Variants in MEA1 observed in about 807,000 individuals in gnomAD.
MEA1 encodes male-enhanced antigen 1.
MEA1 carries 22 observed loss-of-function variants against 21.4 expected under a neutral mutation model. The observed-to-expected ratio is 1.03, with a 90% CI of 0.73 to 1.47. MEA1 has a LOEUF of 1.47. Among genes scored for constraint, MEA1 ranks in the 40% most tolerant of loss-of-function variants. The pLI is 0.00. For synonymous variants in MEA1, 91 were observed against 85.5 expected, an observed-to-expected ratio of 1.06 and a Z score of -0.35; for missense variants, 233 against 230.5, an observed-to-expected ratio of 1.01 and a Z score of -0.07.
chr6:43,013,533 T>C (rs1378106026), intron 1 of MEA1, 144 bp from the exon 2 acceptor site: 1 of 952,932 alleles, frequency 1.0e-6, no homozygotes. Context: ...CCGCCCCAAT[T>C]CCAGCCTCTC....
chr6:43,016,555 C>A (rs921016874), upstream of MEA1: 4 of 152,366 alleles, frequency 2.6e-5, no homozygotes, highest in African/African-American at 9.6e-5. Flanking sequence ...TAACCAACCG[C>A]GGTAACATGG....
upstream of MEA1, among the ~76,000 whole-genome samples, chr6:43,015,245 A>C (rs761707558): frequency 6.6e-6 from 1 of 151,090 alleles, no homozygotes; most frequent in African/African-American, 2.4e-5. Flanking sequence ...GGGCTATTTC[A>C]GGATGGGTCC....
Position 43,012,445 on chromosome 6 carries a change from G to A in MEA1, c.*25C>T. The stretch of plus-strand genomic sequence containing the variant: ...GTGCTGGTTCTGGCCTGGAATGTAG[G>A]AATATAAGGCAGCTCTCACTGTGGT... On this transcript the variant is annotated 3_prime_UTR_variant, in exon 4 of 4. Transcript: ENST00000244711. 1 of 1,566,006 alleles carries A rather than the reference G, an allele frequency of 6.4e-7. No homozygotes were observed. Among genetic ancestry groups the A allele is most frequent in the Non-Finnish European group, 8.6e-7 (1 of 1,157,576 alleles).
rs1450537096 is a variant in MEA1, at chr6:43,012,737, T to C, written c.407-116A>G. 6 of 1,339,868 alleles carry C rather than the reference T, an allele frequency of 4.5e-6. No individual in the cohort carries two copies. In the Admixed American group the frequency reaches 1.5e-4, roughly 33 times the overall value. The allele number at this position is 1,339,868 out of a possible 1,614,324, so 83.0% of individuals were successfully genotyped here. ...GCTAGGGTCACCAAATCCACCTTGT[T>C]ACTTTAAGGCAAGCCTGCCCATCCC... On this transcript the variant is annotated intron_variant, in intron 3 of 3. Transcript: ENST00000244711.
Position 43,013,115 on chromosome 6 carries a change from C to G in MEA1, c.303G>C (p.Gln101His). Residue 101 changes from glutamine (Q) to histidine (H), a missense_variant and splice_region_variant, in exon 2 of 4, where the codon CAG (glutamine) becomes CAC (histidine). Physicochemically the swap from Gln to His is conservative, Grantham distance 24. Coordinates refer to ENST00000244711, the MANE Select transcript of MEA1 (RefSeq NM_014623.4). ...AGGAACCATCCCTCCTCCACCCTAC[C>G]TGGATTCGATCCTGGATGTCAGCAA... is the stretch of plus-strand genomic sequence containing the variant. ...DVVADIQDRIQALGLHLPDPP... is the reference protein window; with the variant it reads ...DVVADIQDRIHALGLHLPDPP... The G allele has an allele frequency of 6.2e-7, 1 of 1,614,096 alleles. No homozygotes were observed. The highest frequency in any genetic ancestry group is 8.5e-7 in the Non-Finnish European group (1 of 1,180,042).
upstream of MEA1, among the ~76,000 whole-genome samples, chr6:43,015,228 C>T (rs1000201066): frequency 6.6e-6 from 1 of 152,170 alleles, no homozygotes; most frequent in African/African-American, 2.4e-5. Context: ...AGAGTAGCTT[C>T]CTGCTGGGGC....
At chr6:43,015,775 G>A (rs1224438767), upstream of MEA1, among the ~76,000 whole-genome samples, 2 of 151,068 alleles carry the variant, frequency 1.3e-5, no homozygotes, top group Admixed American at 6.6e-5. Flanking sequence ...GCTTGAACCC[G>A]GGAGGGAGGC....
upstream of MEA1, chr6:43,014,039 C>G: frequency 2.8e-6 from 4 of 1,421,122 alleles, no homozygotes; most frequent in South Asian, 1.6e-5. Context: ...ATTCCCAGCC[C>G]AAAAAACAAA....
intron 3 of MEA1, 76 bp from the exon 4 acceptor site, chr6:43,012,697 C>G: frequency 6.7e-7 from 1 of 1,498,530 alleles, no homozygotes; most frequent in South Asian, 1.3e-5. Flanking sequence ...CGAATCAACC[C>G]AGAGCCCTTG....
chr6:43,013,000 G>T lies in MEA1; in HGVS notation c.332C>A (p.Pro111Gln). ...QALGLHLPDP[P>Q]LESEDEDEEG... is the part of the protein sequence containing the mutation. ...CTCATCTTCATCTTCACTCTCTAAT[G>T]GTGGGTCTGGCAAATGAAGCCCCAG... Residue 111 changes from proline (P) to glutamine (Q), a missense_variant, in exon 3 of 4, where the codon CCA (proline) becomes CAA (glutamine). By Grantham distance (76) the Pro-to-Gln change is moderately conservative. Transcript: ENST00000244711. 1.2e-6 allele frequency: 2 copies of T among 1,614,178 alleles called. No individual in the cohort carries two copies. The highest frequency in any genetic ancestry group is 1.7e-6 in the Non-Finnish European group (2 of 1,180,034).
Position 43,013,299 on chromosome 6 carries a change from T to C in MEA1, c.119A>G (p.Gln40Arg), listed in dbSNP as rs763536971. 8 of 1,614,030 alleles carry C rather than the reference T, an allele frequency of 5.0e-6. No individual in the cohort carries two copies. The highest frequency in any genetic ancestry group is 6.8e-6 in the Non-Finnish European group (8 of 1,180,016). The change falls in exon 2 of 4, where the codon CAG becomes CGG. Residue 40 changes from glutamine to arginine, a missense_variant. Coordinates refer to ENST00000244711, the MANE Select transcript of MEA1 (RefSeq NM_014623.4). ...FPNQTEELGHQGPSEGTGDWS... is the reference protein window; with the variant it reads ...FPNQTEELGHRGPSEGTGDWS... ...ATCCCCAGTGCCTTCTGAAGGGCCC[T>C]GATGTCCCAGTTCCTCAGTCTGATT...
At chr6:43,014,142 C>A (rs954305775), upstream of MEA1, 2 of 1,414,880 alleles carry the variant, frequency 1.4e-6, no homozygotes, top group Admixed American at 2.9e-5. Context: ...TCAGCCCTCT[C>A]GTCCCTCAGG....
chr6:43,014,188 C>A, upstream of MEA1: 1 of 1,384,874 alleles, frequency 7.2e-7, no homozygotes, highest in Admixed American at 2.9e-5. Context: ...ATGCCTCCGG[C>A]ACTTAGCTAC....
At chr6:43,012,841 G>A in intron 3 of MEA1, 85 bp downstream of exon 3, 2 of 1,345,794 alleles carry the variant, frequency 1.5e-6, no homozygotes, top group Non-Finnish European at 2.1e-6. Flanking sequence ...TTTAGGATAG[G>A]GTCTTCCTCT....
Position 43,012,087 on chromosome 6 carries a change from G to T in MEA1, c.*383C>A. ...AAGGAAGCAGGGAGCGGTGCCCCAA[G>T]CATGGCTCCTGCCAACACCTATTTA... is the stretch of plus-strand genomic sequence containing the variant. On this transcript the variant is annotated 3_prime_UTR_variant, in exon 4 of 4. Transcript: ENST00000244711. The T allele has an allele frequency of 3.7e-6, 2 of 542,332 alleles. No individual in the cohort carries two copies. The highest frequency in any genetic ancestry group is 4.7e-6 in the Non-Finnish European group (2 of 422,522). The allele number at this position is 542,332 out of a possible 1,614,324, so 33.6% of individuals were successfully genotyped here. A position where few individuals can be genotyped will look rare whatever the true frequency, so the allele number is the denominator to read the frequency against.
chr6:43,011,494 G>C lies in MEA1; in HGVS notation c.*976C>G. On this transcript the variant is annotated 3_prime_UTR_variant, in exon 4 of 4. Coordinates refer to ENST00000244711, the MANE Select transcript of MEA1 (RefSeq NM_014623.4). ...AGGTGTTCATGCCTCCCTGTGGCTA[G>C]TACAGGCTGAGCACTAAGATGCTTA... 1 of 652,218 alleles carries C rather than the reference G, an allele frequency of 1.5e-6. No homozygotes were observed. Among genetic ancestry groups the C allele is most frequent in the Non-Finnish European group, 2.6e-6 (1 of 388,586 alleles). The allele number at this position is 652,218 out of a possible 1,614,324, so 40.4% of individuals were successfully genotyped here.
At chr6:43,013,977 C>A, upstream of MEA1, 7 of 1,432,722 alleles carry the variant, frequency 4.9e-6, no homozygotes, top group South Asian at 1.1e-4. Context: ...GCCCCATATC[C>A]ATGATTGACG....
At chr6:43,015,091 A>G (rs759766170), upstream of MEA1, among the ~76,000 whole-genome samples, 3 of 152,154 alleles carry the variant, frequency 2.0e-5, no homozygotes, top group Non-Finnish European at 4.4e-5. Flanking sequence ...TTACCTTGAC[A>G]TATCTGAAGG....
intron 1 of MEA1, 191 bp downstream of exon 1, chr6:43,013,595 C>A: frequency 1.2e-6 from 1 of 805,620 alleles, no homozygotes; most frequent in Admixed American, 2.8e-5. Context: ...GCCCCACCAA[C>A]TTGCTCCGCC....
Sources: allele counts gnomAD v4.1 joint callset (sites outside exome capture counted in the v4.1 genomes callset), GRCh38; gene constraint gnomAD v4.1.1; transcripts MANE v1.5; gene names NCBI Gene and HGNC (gene_info 2026-07-23, HGNC 2026-07-21).